CYB561: variants seen among roughly 807,000 people sequenced by gnomAD.
CYB561 encodes the protein transmembrane ascorbate-dependent reductase CYB561.
In CYB561, 11 loss-of-function variants were observed where a neutral mutation model predicts 25.3. That is an observed-to-expected ratio of 0.44 (90% CI 0.27 to 0.72). The LOEUF is 0.72. Among genes scored for constraint, CYB561 ranks in the 30% least tolerant of loss-of-function variants. The probability of loss-of-function intolerance (pLI) is 0.18; values close to 1 mark genes in which losing one functional copy is unlikely to be tolerated. For missense variants in CYB561, 295 were observed against 334.9 expected (o/e 0.88, Z 0.93); for synonymous variants, 165 against 158.8 (o/e 1.04, Z -0.29).
At chr17:63,444,188 C>A (rs979137659) in intron 1 of CYB561, among the ~76,000 whole-genome samples, 2 of 152,138 alleles carry the variant, frequency 1.3e-5, no homozygotes, top group Admixed American at 6.5e-5. Context: ...TTCACCACTG[C>A]GCCGGGCCAA....
At position 63,433,641 on chromosome 17, in the gene CYB561, G is replaced by A. The variant is rs1599113156; in HGVS notation, c.*761C>T. 2.7e-6 allele frequency: 1 copy of A among 369,160 alleles called. No homozygotes were observed. The highest frequency in any genetic ancestry group is 1.5e-4 in the South Asian group (1 of 6,730). 22.9% of individuals were successfully genotyped at this position (369,160 alleles called of 1,614,324 possible). On this transcript the variant is annotated 3_prime_UTR_variant, in exon 6 of 6. Transcript: ENST00000360793. ...GGGGTGCTACAAGGAGGGAGCCCCA[G>A]CAGGAAGGGGCTGCAAGGTGCCCCC...
At position 63,436,412 on chromosome 17, in the gene CYB561, G is replaced by A; in HGVS notation, c.203-260C>T. The A allele has an allele frequency of 2.3e-6, 1 of 439,754 alleles. No individual in the cohort carries two copies. The allele number at this position is 439,754 out of a possible 1,614,324, so 27.2% of individuals were successfully genotyped here. A position where few individuals can be genotyped will look rare whatever the true frequency, so the allele number is the denominator to read the frequency against. On this transcript the variant is annotated intron_variant, in intron 2 of 5. Coordinates refer to ENST00000360793, the MANE Select transcript of CYB561 (RefSeq NM_001915.4). This position sits in a 1 kb window ranked among gnomAD's most constrained non-coding sequence, Gnocchi z 4.8. ...AACCTCCCCCAGCTGTGCACAAAGAGGGCAGGGCCGGAGGCTGCACCACAG... is the reference window on the plus strand; with the variant it reads ...AACCTCCCCCAGCTGTGCACAAAGAAGGCAGGGCCGGAGGCTGCACCACAG...
chr17:63,434,891 C>T (rs188975527), intron 5 of CYB561, among the ~76,000 whole-genome samples, 195 bp downstream of exon 5: 1 of 152,260 alleles, frequency 6.6e-6, no homozygotes, highest in African/African-American at 2.4e-5. Context: ...CCAGAAGTTT[C>T]TTTGAAAGGG....
rs1232324460 is a variant in CYB561 at position 63,444,076 on chromosome 17, C to T, written c.-14+2169G>A. ...TCGGGTCACCGCAACCTCTGCCTTC[C>T]GGGTCCAAGCAATTCTCCTGCCTCA... On this transcript the variant is annotated intron_variant, in intron 1 of 5. Coordinates refer to ENST00000360793, the MANE Select transcript of CYB561 (RefSeq NM_001915.4). Among the ~76,000 whole-genome samples, 8 of 152,116 alleles carry T rather than the reference C, an allele frequency of 5.3e-5. No homozygotes were observed. The South Asian group carries it at 1.5e-3, about 28-fold the overall frequency.
intron 1 of CYB561, among the ~76,000 whole-genome samples, chr17:63,438,525 G>A (rs947887994): frequency 9.4e-5 from 14 of 149,466 alleles, no homozygotes; most frequent in Admixed American, 1.4e-4. Flanking sequence ...CGACCATGCT[G>A]CACACAGGGA....
At chr17:63,435,608 G>C in intron 4 of CYB561, 80 bp downstream of exon 4, 2 of 1,119,544 alleles carry the variant, frequency 1.8e-6, no homozygotes, top group Non-Finnish European at 2.7e-6. Flanking sequence ...CCTTCCATGA[G>C]GTACATTTCA....
Position 63,433,522 on chromosome 17 carries a change from C to T in CYB561, c.*880G>A, listed in dbSNP as rs1599113074. ...GCCACAGCCAGCAGCAGCGGTTTTTCATTTAAAAAATTATAAGGTTTGTGC... is the reference window on the plus strand; with the variant it reads ...GCCACAGCCAGCAGCAGCGGTTTTTTATTTAAAAAATTATAAGGTTTGTGC... On this transcript the variant is annotated 3_prime_UTR_variant, in exon 6 of 6. Coordinates refer to ENST00000360793, the MANE Select transcript of CYB561 (RefSeq NM_001915.4). 1 of 396,244 alleles carries T rather than the reference C, an allele frequency of 2.5e-6. No homozygotes were observed. Among genetic ancestry groups the T allele is most frequent in the African/African-American group, 2.1e-5 (1 of 48,676 alleles). 24.5% of individuals were successfully genotyped at this position (396,244 alleles called of 1,614,324 possible). A position where few individuals can be genotyped will look rare whatever the true frequency, so the allele number is the denominator to read the frequency against.
chr17:63,437,773 G>A (rs1364685618), intron 1 of CYB561: 2 of 436,514 alleles, frequency 4.6e-6, no homozygotes, highest in African/African-American at 3.0e-5. Context: ...TGCTAGATGC[G>A]CGCAACACCC....
chr17:63,446,319 G>GCGC (rs1357059606), upstream of CYB561: 1 of 151,910 alleles, frequency 6.6e-6, no homozygotes, highest in Non-Finnish European at 1.5e-5. Flanking sequence ...GGGCCGTGGC[G>GCGC]CGACGGCGTC....
Position 63,437,000 on chromosome 17 carries a change from A to G in CYB561, c.202+346T>C, listed in dbSNP as rs2049309561. 1.2e-5 allele frequency: 4 copies of G among 342,084 alleles called. No individual in the cohort carries two copies. Among genetic ancestry groups the G allele is most frequent in the Non-Finnish European group, 2.2e-5 (4 of 183,086 alleles). 21.2% of individuals were successfully genotyped at this position (342,084 alleles called of 1,614,324 possible). A position where few individuals can be genotyped will look rare whatever the true frequency, so the allele number is the denominator to read the frequency against. ...CACGCACGCACGCATACAAACTCTC[A>G]CATATGATTACTTTTTTTCCCTCAA... On this transcript the variant is annotated intron_variant, in intron 2 of 5. Transcript: ENST00000360793. The surrounding 1 kb of genome is among the most constrained non-coding windows in gnomAD (Gnocchi z 4.8).
chr17:63,444,048 AT>A (rs1463915536), intron 1 of CYB561, among the ~76,000 whole-genome samples: 7 of 151,850 alleles, frequency 4.6e-5, no homozygotes, highest in South Asian at 2.1e-4. Context: ...CAATGGCAAG[AT>A]CTCGGGTCAC....
In CYB561 at chr17:63,434,153, A is replaced by T; in HGVS notation, c.*249T>A. 1 of 466,838 alleles carries T rather than the reference A, an allele frequency of 2.1e-6. No individual in the cohort carries two copies. The allele number at this position is 466,838 out of a possible 1,614,324, so 28.9% of individuals were successfully genotyped here. A position where few individuals can be genotyped will look rare whatever the true frequency, so the allele number is the denominator to read the frequency against. On this transcript the variant is annotated 3_prime_UTR_variant, in exon 6 of 6. Transcript: ENST00000360793. ...ACCGAACACCCGAAGTCCTACCCAA[A>T]GCCTTCTGCACTGAAGGGGGCAACA...
rs2049299157 is a variant in CYB561 at position 63,436,230 on chromosome 17, T to A, written c.203-78A>T. On this transcript the variant is annotated intron_variant, in intron 2 of 5. Coordinates refer to ENST00000360793, the MANE Select transcript of CYB561 (RefSeq NM_001915.4). This position sits in a 1 kb window ranked among gnomAD's most constrained non-coding sequence, Gnocchi z 4.8. ...CCTGCCCCAGCAGCAAGGAGGCACCTTGGTGGAGAGGTGATGTGAGCTGAC... is the reference window on the plus strand; with the variant it reads ...CCTGCCCCAGCAGCAAGGAGGCACCATGGTGGAGAGGTGATGTGAGCTGAC... The A allele has an allele frequency of 3.2e-6, 5 of 1,540,972 alleles. No individual in the cohort carries two copies. Among genetic ancestry groups the A allele is most frequent in the Non-Finnish European group, 4.4e-6 (5 of 1,128,922 alleles).
chr17:63,437,016 T>A (rs1464969513), intron 2 of CYB561: 1 of 383,800 alleles, frequency 2.6e-6, no homozygotes, highest in Non-Finnish European at 4.8e-6. Flanking sequence ...GATTACTTTT[T>A]TTCCCTCAAT....
intron 1 of CYB561, chr17:63,438,460 CG>C (rs2049339563): frequency 4.0e-6 from 2 of 496,126 alleles, no homozygotes; most frequent in Admixed American, 6.7e-5. Flanking sequence ...CCCACGCCCC[CG>C]CCCGCCCCCC....
chr17:63,440,532 G>C lies in CYB561; in HGVS notation c.-13-2972C>G, dbSNP rs369588965. On this transcript the variant is annotated intron_variant, in intron 1 of 5. Transcript: ENST00000360793. ...GTGCCAGTGAAATGCCAACTGCATG[G>C]CATGATCCTGCCCGTTTCCATCTGC... 2.6e-5 allele frequency among the ~76,000 whole-genome samples: 4 copies of C among 152,278 alleles called. No individual in the cohort carries two copies. The East Asian group carries it at 7.7e-4, about 29-fold the overall frequency.
Position 63,434,429 on chromosome 17 carries a change from C to T in CYB561, c.729G>A (p.Thr243=), listed in dbSNP as rs1197495217. Residue 243 remains threonine (T), a synonymous_variant, in exon 6 of 6, where the codon ACG becomes ACA. Coordinates refer to ENST00000360793, the MANE Select transcript of CYB561 (RefSeq NM_001915.4). ...ACTGGGAGCCGGGGCTATCTCCCTC[C>T]GTCAGCGTCTTGAAGTCCATGGAGA... ...QALSMDFKTL[T]EGDSPGSQ 7 of 1,585,820 alleles carry T rather than the reference C, an allele frequency of 4.4e-6. No homozygotes were observed. The highest frequency in any genetic ancestry group is 1.3e-5 in the African/African-American group (1 of 74,304).
At chr17:63,443,436 A>G (rs2049395613) in intron 1 of CYB561, among the ~76,000 whole-genome samples, 1 of 152,188 alleles carries the variant, frequency 6.6e-6, no homozygotes, top group Non-Finnish European at 1.5e-5. Context: ...TGCTTGGACC[A>G]GGTACCAAGG....
In CYB561 at chr17:63,432,664, G is replaced by T. The variant is rs1448596469; in HGVS notation, c.*1738C>A. 2 of 152,280 alleles carry T rather than the reference G, an allele frequency of 1.3e-5. No individual in the cohort carries two copies. Among genetic ancestry groups the T allele is most frequent in the Non-Finnish European group, 2.9e-5 (2 of 68,096 alleles). The allele number at this position is 152,280 out of a possible 1,614,324, so 9.4% of individuals were successfully genotyped here. On this transcript the variant is annotated 3_prime_UTR_variant, in exon 6 of 6. Transcript: ENST00000360793. ...GAAGAGTGTACAGTCTAAACAGGAG[G>T]CGAACACTGTCATCCGGACAGGCTG... is the stretch of plus-strand genomic sequence containing the variant.
Sources: allele counts gnomAD v4.1 joint callset (sites outside exome capture counted in the v4.1 genomes callset), GRCh38; gene constraint gnomAD v4.1.1; non-coding constraint Gnocchi (gnomAD v3.1); transcripts MANE v1.5; gene names NCBI Gene and HGNC (gene_info 2026-07-23, HGNC 2026-07-21).